Variants in AFG3L2 observed in about 807,000 individuals in gnomAD.
AFG3L2 encodes mitochondrial inner membrane m-AAA protease component AFG3L2.
Under a neutral mutation model 94.5 loss-of-function variants are expected in AFG3L2, and 54 were observed. That is an observed-to-expected ratio of 0.57 (90% CI 0.46 to 0.72). The LOEUF is 0.72. Ranked by LOEUF, AFG3L2 falls within the 30% of genes least tolerant of loss-of-function variation. The pLI, the probability that AFG3L2 is intolerant of heterozygous loss-of-function variation, is 0.00. For missense variants in AFG3L2, 754 were observed against 994.9 expected, an observed-to-expected ratio of 0.76 and a Z score of 3.26; for synonymous variants, 377 against 365.5, an observed-to-expected ratio of 1.03 and a Z score of -0.36.
chr18:12,331,061 T>C (rs1907508477), intron 16 of AFG3L2, among the ~76,000 whole-genome samples: 1 of 152,268 alleles, frequency 6.6e-6, no homozygotes. Context: ...CAGTCAATGA[T>C]GGGCCCCATG....
At chr18:12,351,542 G>T in intron 10 of AFG3L2, 129 bp from the exon 11 acceptor site, 68 of 723,494 alleles carry the variant, frequency 9.4e-5, no homozygotes, top group Middle Eastern at 3.9e-4. Flanking sequence ...ATTATCTAGT[G>T]TTTTTTGTTT....
intron 12 of AFG3L2, among the ~76,000 whole-genome samples, chr18:12,349,993 T>A (rs905850729): frequency 2.7e-5 from 4 of 148,872 alleles, no homozygotes; most frequent in Admixed American, 1.4e-4. Context: ...ATGTACAGAA[T>A]AAAAAAACCT....
intron 5 of AFG3L2, 95 bp downstream of exon 5, chr18:12,366,870 G>C: frequency 6.7e-7 from 1 of 1,503,112 alleles, no homozygotes; most frequent in Non-Finnish European, 9.3e-7. Flanking sequence ...TACAATGGAC[G>C]AGCCAGGTTA....
intron 5 of AFG3L2, among the ~76,000 whole-genome samples, chr18:12,365,447 A>G (rs941907340): frequency 6.6e-6 from 1 of 152,208 alleles, no homozygotes; most frequent in African/African-American, 2.4e-5. Flanking sequence ...ACATGTTTCA[A>G]AAATCCAACT....
Position 12,377,168 on chromosome 18 carries a change from C to CG in AFG3L2, c.-87dup. 3 of 1,065,586 alleles carry CG rather than the reference C, an allele frequency of 2.8e-6. No homozygotes were observed. The highest frequency in any genetic ancestry group is 3.9e-6 in the Non-Finnish European group (3 of 771,128). 66.0% of individuals were successfully genotyped at this position (1,065,586 alleles called of 1,614,324 possible). A position where few individuals can be genotyped will look rare whatever the true frequency, so the allele number is the denominator to read the frequency against. On this transcript the variant is annotated 5_prime_UTR_variant, in exon 1 of 17. Transcript: ENST00000269143. ...GCGGCCTCGGGAAGCGGGCTCGGCT[C>CG]GGGGAAAGGCCGCCAGGCAGCGAAG...
rs1266656985 is a variant in AFG3L2, at chr18:12,329,406, G to A, written c.*159C>T. ...TCACCTGCCACCCACTGTGACCTCT[G>A]AGGCTGAAAGGACTAAGGACTCCTT... On this transcript the variant is annotated 3_prime_UTR_variant, in exon 17 of 17. Coordinates refer to ENST00000269143, the MANE Select transcript of AFG3L2 (RefSeq NM_006796.3). The A allele has an allele frequency of 5.0e-6, 4 of 796,716 alleles. No individual in the cohort carries two copies. Among genetic ancestry groups the A allele is most frequent in the Admixed American group, 4.1e-5 (2 of 49,168 alleles). 49.4% of individuals were successfully genotyped at this position (796,716 alleles called of 1,614,324 possible). A position where few individuals can be genotyped will look rare whatever the true frequency, so the allele number is the denominator to read the frequency against.
chr18:12,350,301 G>A (rs1379640996), intron 12 of AFG3L2, among the ~76,000 whole-genome samples: 1 of 152,110 alleles, frequency 6.6e-6, no homozygotes, highest in Admixed American at 6.6e-5. Context: ...GTGAGCCACC[G>A]TGCCCAGCCC....
intron 16 of AFG3L2, among the ~76,000 whole-genome samples, chr18:12,334,530 T>C (rs1907682609): frequency 6.6e-6 from 1 of 152,212 alleles, no homozygotes; most frequent in Non-Finnish European, 1.5e-5. Flanking sequence ...TCAAATCCTC[T>C]TGGGTGTTGA....
At chr18:12,358,152 C>T (rs1908550664) in intron 8 of AFG3L2, among the ~76,000 whole-genome samples, 1 of 152,206 alleles carries the variant, frequency 6.6e-6, no homozygotes, top group Non-Finnish European at 1.5e-5. Context: ...CCACGCCTAG[C>T]CCTAGGGGCA....
At chr18:12,335,250 A>T (rs1242997410) in intron 16 of AFG3L2, among the ~76,000 whole-genome samples, 1 of 152,192 alleles carries the variant, frequency 6.6e-6, no homozygotes, top group African/African-American at 2.4e-5. Context: ...TGCCAACCTG[A>T]GACAAATGTG....
intron 15 of AFG3L2, 96 bp downstream of exon 15, chr18:12,340,105 A>G (rs1907898840): frequency 1.1e-5 from 13 of 1,177,256 alleles, no homozygotes; most frequent in Non-Finnish European, 1.6e-5. Context: ...AAAACAGTGA[A>G]GCACAACTAT....
At chr18:12,352,863 G>C (rs1908361681) in intron 10 of AFG3L2, 142 bp downstream of exon 10, 1 of 1,129,812 alleles carries the variant, frequency 8.9e-7, no homozygotes, top group African/African-American at 1.5e-5. Context: ...ACTGAGGCAG[G>C]AGGATCGCTT....
intron 3 of AFG3L2, 82 bp from the exon 4 acceptor site, chr18:12,367,464 A>G (rs1363923215): frequency 6.9e-6 from 9 of 1,304,836 alleles, no homozygotes; most frequent in East Asian, 4.6e-5. Flanking sequence ...ACGGTTTAAT[A>G]AAAGACTCAT....
chr18:12,356,574 G>A, intron 9 of AFG3L2, 120 bp downstream of exon 9: 1 of 1,418,886 alleles, frequency 7.0e-7, no homozygotes, highest in Non-Finnish European at 9.9e-7. Flanking sequence ...CTCAGGCCAG[G>A]GACTGGTGAG....
At chr18:12,367,174 G>C in intron 4 of AFG3L2, 57 bp from the exon 5 acceptor site, 5 of 1,612,902 alleles carry the variant, frequency 3.1e-6, no homozygotes, top group Non-Finnish European at 3.4e-6. Flanking sequence ...TACGATCTAT[G>C]CTCTGTGAGA....
In AFG3L2 at chr18:12,371,711, T is replaced by C; in HGVS notation, c.115-20A>G. 6.2e-7 allele frequency: 1 copy of C among 1,600,838 alleles called. No homozygotes were observed. On this transcript the variant is annotated intron_variant, in intron 1 of 16. Transcript: ENST00000269143. The stretch of plus-strand genomic sequence containing the variant: ...GTAAAGCTGCAACAAGACATAAAAA[T>C]AAAACCATAGTTATATCAAGATAAA...
chr18:12,372,136 T>G (rs1194976401), intron 1 of AFG3L2, among the ~76,000 whole-genome samples: 2 of 151,898 alleles, frequency 1.3e-5, no homozygotes, highest in Non-Finnish European at 2.9e-5. Flanking sequence ...AAACCCCGTC[T>G]CTACTAAAAA....
chr18:12,352,606 G>C (rs536569077), intron 10 of AFG3L2, among the ~76,000 whole-genome samples: 1 of 152,234 alleles, frequency 6.6e-6, no homozygotes, highest in East Asian at 1.9e-4. Flanking sequence ...ATTCTTTTGT[G>C]ACTCATTTCA....
intron 2 of AFG3L2, among the ~76,000 whole-genome samples, 154 bp from the exon 3 acceptor site, chr18:12,371,080 A>G (rs1908973694): frequency 6.6e-6 from 1 of 152,192 alleles, no homozygotes; most frequent in African/African-American, 2.4e-5. Context: ...TGGGAGGCTG[A>G]GGTGGGCAGA....
Sources: gnomAD v4.1 joint callset for allele counts (sites outside exome capture counted in the v4.1 genomes callset) on GRCh38, gnomAD v4.1.1 for gene constraint, MANE v1.5 for transcripts, NCBI Gene and HGNC (gene_info 2026-07-23, HGNC 2026-07-21) for gene names.